Variants in TECRL observed in about 807,000 individuals in gnomAD.
TECRL encodes the protein trans-2,3-enoyl-CoA reductase like, also known as trans-2,3-enoyl-CoA reductase-like.
A neutral mutation model predicts 52.8 loss-of-function variants in TECRL; 63 were observed. The observed-to-expected ratio is 1.19, with a 90% CI of 0.97 to 1.47. TECRL has a LOEUF of 1.47. Ranked by LOEUF, TECRL falls within the 40% of genes most tolerant of loss-of-function variation. The probability of loss-of-function intolerance (pLI) is 0.00; values close to 1 mark genes in which losing one functional copy is unlikely to be tolerated. For synonymous variants in TECRL, 164 were observed against 141.9 expected, an observed-to-expected ratio of 1.16 and a Z score of -1.10; for missense variants, 482 against 429.6, an observed-to-expected ratio of 1.12 and a Z score of -1.08.
rs140879966 is a variant in TECRL, at chr4:64,305,243, A to G, written c.658-5T>C. 4 of 1,607,706 alleles carry G rather than the reference A, an allele frequency of 2.5e-6. No homozygotes were observed. In the African/African-American group the frequency reaches 4.0e-5, roughly 16 times the overall value. On this transcript the variant is annotated splice_region_variant and splice_polypyrimidine_tract_variant and intron_variant, in intron 6 of 11. Transcript: ENST00000381210. Reference sequence around the variant, plus strand: ...TCCCCAGTAAAAGGCACAACTCTGCAAACAAAACAAAACAAAATAAAAGTT... The same window carrying G: ...TCCCCAGTAAAAGGCACAACTCTGCGAACAAAACAAAACAAAATAAAAGTT...
intron 1 of TECRL, among the ~76,000 whole-genome samples, chr4:64,384,228 C>T (rs559436061): frequency 5.9e-5 from 9 of 152,092 alleles, no homozygotes; most frequent in African/African-American, 2.2e-4. Context: ...TTCTCATGTG[C>T]TTACAGTGAC....
chr4:64,340,667 C>T (rs1358779415), intron 2 of TECRL, among the ~76,000 whole-genome samples: 3 of 152,152 alleles, frequency 2.0e-5, no homozygotes, highest in African/African-American at 7.2e-5. Flanking sequence ...AGCCTGGGCA[C>T]CATAAACAGC....
At chr4:64,400,117 C>A (rs757300909) in intron 1 of TECRL, among the ~76,000 whole-genome samples, 1 of 152,324 alleles carries the variant, frequency 6.6e-6, no homozygotes, top group African/African-American at 2.4e-5. Context: ...TGGAGCTATC[C>A]AAGACCTTGG....
chr4:64,375,040 C>T (rs1226431556), intron 2 of TECRL, 132 bp downstream of exon 2: 1 of 375,260 alleles, frequency 2.7e-6, no homozygotes, highest in East Asian at 4.2e-5. Context: ...ATTAAGCAAA[C>T]TATTGTTCCT....
chr4:64,281,353 G>A (rs2109924241), intron 10 of TECRL, 121 bp downstream of exon 10: 1 of 650,278 alleles, frequency 1.5e-6, no homozygotes. Context: ...ACCATGATCT[G>A]TGGATAAGAC....
At chr4:64,319,094 T>C (rs990810827) in intron 4 of TECRL, among the ~76,000 whole-genome samples, 5 of 151,858 alleles carry the variant, frequency 3.3e-5, no homozygotes, top group Non-Finnish European at 5.9e-5. Flanking sequence ...GCATTTAATA[T>C]CTCAAGGGTT....
chr4:64,336,255 C>A (rs1719072822), intron 2 of TECRL, among the ~76,000 whole-genome samples: 1 of 152,054 alleles, frequency 6.6e-6, no homozygotes, highest in Admixed American at 6.5e-5. Flanking sequence ...GTGTATGTGT[C>A]CAGGAATTTA....
intron 1 of TECRL, among the ~76,000 whole-genome samples, chr4:64,386,550 T>A (rs1425325224): frequency 6.6e-6 from 1 of 152,142 alleles, no homozygotes; most frequent in Non-Finnish European, 1.5e-5. Context: ...GAAGTGATTT[T>A]TGGATATGTA....
In TECRL at chr4:64,339,852, A is replaced by G. The variant is rs191339818; in HGVS notation, c.287-11296T>C. On this transcript the variant is annotated intron_variant, in intron 2 of 11. Transcript: ENST00000381210. ...TCCTTGATTTTCCAAGAATTATTCT[A>G]CTATTTTCACGATCATAAATTCCTC... Among the ~76,000 whole-genome samples, 4 of 152,310 alleles carry G rather than the reference A, an allele frequency of 2.6e-5. No homozygotes were observed. The East Asian group carries it at 7.7e-4, about 29-fold the overall frequency.
At chr4:64,336,818 T>C (rs1719123008) in intron 2 of TECRL, among the ~76,000 whole-genome samples, 1 of 152,200 alleles carries the variant, frequency 6.6e-6, no homozygotes, top group African/African-American at 2.4e-5. Context: ...TTGAGCAGTT[T>C]TGAGTGAGTT....
intron 8 of TECRL, among the ~76,000 whole-genome samples, chr4:64,298,131 T>C (rs1057268144): frequency 1.3e-5 from 2 of 151,150 alleles, no homozygotes; most frequent in African/African-American, 4.8e-5. Flanking sequence ...TAAAAAATAT[T>C]TAAATCTAAA....
intron 4 of TECRL, among the ~76,000 whole-genome samples, chr4:64,321,468 A>G (rs1481574914): frequency 6.6e-6 from 1 of 152,202 alleles, no homozygotes; most frequent in Non-Finnish European, 1.5e-5. Flanking sequence ...ATGTAAATGC[A>G]AAGAAAAACT....
chr4:64,296,364 T>C (rs978252937), intron 8 of TECRL, among the ~76,000 whole-genome samples: 1 of 151,900 alleles, frequency 6.6e-6, no homozygotes, highest in Non-Finnish European at 1.5e-5. Flanking sequence ...ACCTACTTGA[T>C]AAAAGCATAT....
intron 1 of TECRL, among the ~76,000 whole-genome samples, chr4:64,393,053 C>T (rs1577984690): frequency 2.0e-5 from 3 of 152,084 alleles, no homozygotes; most frequent in Admixed American, 2.0e-4. Flanking sequence ...GCTTGACTAA[C>T]AAACCCCGAA....
At chr4:64,307,729 T>C (rs1042612827) in intron 6 of TECRL, among the ~76,000 whole-genome samples, 1 of 152,144 alleles carries the variant, frequency 6.6e-6, no homozygotes, top group East Asian at 1.9e-4. Flanking sequence ...AACCCATGTA[T>C]ATAAAGTGTT....
chr4:64,340,881 G>A (rs1007411554), intron 2 of TECRL, among the ~76,000 whole-genome samples: 2 of 152,156 alleles, frequency 1.3e-5, no homozygotes, highest in Admixed American at 1.3e-4. Flanking sequence ...GCCCATAAAG[G>A]CCCCAGGCTC....
Position 64,409,401 on chromosome 4 carries a change from G to C in TECRL, c.-50C>G. ...TCATGTCAAAAGTAGAAAATTGCAA[G>C]TGTGTTCCTTTTGCATCAGTTAAAT... On this transcript the variant is annotated 5_prime_UTR_variant, in exon 1 of 12. Transcript: ENST00000381210. The C allele has an allele frequency of 6.3e-7, 1 of 1,590,928 alleles. No individual in the cohort carries two copies.
At chr4:64,345,407 G>T (rs1719880922) in intron 2 of TECRL, among the ~76,000 whole-genome samples, 1 of 151,832 alleles carries the variant, frequency 6.6e-6, no homozygotes, top group South Asian at 2.1e-4. Context: ...GTAGGGACAT[G>T]GATGAAGCTG....
chr4:64,396,730 T>C (rs1723982465), intron 1 of TECRL, among the ~76,000 whole-genome samples: 1 of 152,164 alleles, frequency 6.6e-6, no homozygotes, highest in African/African-American at 2.4e-5. Flanking sequence ...TCTTTACCAG[T>C]TCCTAGTTCC....
Sources: allele counts gnomAD v4.1 joint callset (sites outside exome capture counted in the v4.1 genomes callset), GRCh38; gene constraint gnomAD v4.1.1; transcripts MANE v1.5; gene names NCBI Gene and HGNC (gene_info 2026-07-23, HGNC 2026-07-21).